The following CHEK2 variants were observed in gnomAD, a reference collection of about 807,000 sequenced individuals.
The protein encoded by CHEK2 is serine/threonine-protein kinase Chk2.
Under a neutral mutation model 69.1 loss-of-function variants are expected in CHEK2, and 71 were observed. The observed-to-expected ratio is 1.03, with a 90% confidence interval of 0.85 to 1.25. The LOEUF (loss-of-function observed/expected upper bound fraction) is 1.25. Among genes scored for constraint, CHEK2 ranks in the 50% most tolerant of loss-of-function variants. CHEK2 has a pLI of 0.00. For missense variants in CHEK2, 664 were observed against 649.6 expected (o/e 1.02, Z -0.24); for synonymous variants, 189 against 226.9 (o/e 0.83, Z 1.50).
At chr22:28,715,325 C>T (rs1453149376) in intron 5 of CHEK2, among the ~76,000 whole-genome samples, 1 of 152,136 alleles carries the variant, frequency 6.6e-6, no homozygotes, top group Non-Finnish European at 1.5e-5. Flanking sequence ...AACTCAAAGA[C>T]CATGAAGTAA....
chr22:28,725,101 G>A lies in CHEK2; in HGVS notation c.468C>T (p.Tyr156=), dbSNP rs1555926996. 9.3e-6 allele frequency: 15 copies of A among 1,613,970 alleles called. No homozygotes were observed. Among genetic ancestry groups the A allele is most frequent in the Admixed American group, 5.0e-5 (3 of 59,978 alleles). ...CACTGTGATCTTCTATGTATGCAAT[G>A]TAAGAGTTTTTAGGACCCACTTCCT... The part of the protein sequence containing the change: ...IFREVGPKNS[Y]IAYIEDHSGN... The change falls in exon 4 of 15, where the codon TAC becomes TAT. Residue 156 remains tyrosine, a synonymous_variant. Coordinates refer to ENST00000404276, the MANE Select transcript of CHEK2 (RefSeq NM_007194.4).
intron 5 of CHEK2, among the ~76,000 whole-genome samples, chr22:28,716,967 G>A (rs1471305804): frequency 3.3e-5 from 5 of 152,106 alleles, no homozygotes; most frequent in South Asian, 4.1e-4. Context: ...ACTGAATGAC[G>A]AAACAAATTA....
rs1569170658 is a variant in CHEK2 at position 28,734,540 on chromosome 22, C to T, written c.182G>A (p.Ser61Asn). 1 of 1,613,860 alleles carries T rather than the reference C, an allele frequency of 6.2e-7. No homozygotes were observed. The highest frequency in any genetic ancestry group is 8.5e-7 in the Non-Finnish European group (1 of 1,179,968). The stretch of plus-strand genomic sequence containing the variant: ...CTGAGTGGACACTGTCTCTAAGGAG[C>T]TCAGTGTCCCAGAGCTGGAGTGAGA... ...QSSHSSSGTL[S>N]SLETVSTQEL... Residue 61 changes from serine to asparagine, a missense_variant, in exon 2 of 15, where the codon AGC becomes AAC. Transcript: ENST00000404276.
At chr22:28,693,201 A>G (rs1032532796) in intron 13 of CHEK2, among the ~76,000 whole-genome samples, 1 of 152,200 alleles carries the variant, frequency 6.6e-6, no homozygotes, top group African/African-American at 2.4e-5. Context: ...GGCTAATTCT[A>G]AAACTAAAGA....
intron 4 of CHEK2, among the ~76,000 whole-genome samples, chr22:28,722,993 A>ATC (rs1285288789): frequency 1.3e-5 from 2 of 152,194 alleles, no homozygotes. Context: ...CGACTCTCAG[A>ATC]TAAGTTTGGG....
At chr22:28,712,041 G>T in intron 5 of CHEK2, 24 bp from the exon 6 acceptor site, 1 of 1,542,476 alleles carries the variant, frequency 6.5e-7, no homozygotes, top group Non-Finnish European at 9.0e-7. Flanking sequence ...CAAAGATAGT[G>T]ATTGTCTGAA....
At chr22:28,690,438 G>A (rs1280300399) in intron 13 of CHEK2, among the ~76,000 whole-genome samples, 2 of 151,898 alleles carry the variant, frequency 1.3e-5, no homozygotes, top group Non-Finnish European at 2.9e-5. Flanking sequence ...AGATCAGCCT[G>A]GCTAACATGG....
chr22:28,720,631 T>A (rs1466833161), intron 4 of CHEK2, among the ~76,000 whole-genome samples: 14 of 152,190 alleles, frequency 9.2e-5, no homozygotes, highest in Admixed American at 8.5e-4. Context: ...TAGAATAACC[T>A]AAGGATCCAG....
intron 1 of CHEK2, among the ~76,000 whole-genome samples, chr22:28,740,951 T>G (rs746729583): frequency 4.0e-5 from 6 of 151,670 alleles, no homozygotes; most frequent in Non-Finnish European, 7.4e-5. Context: ...AGGTCAGGAG[T>G]TCGGGATCAG....
chr22:28,723,011 A>G (rs1042176880), intron 4 of CHEK2, among the ~76,000 whole-genome samples: 4 of 152,184 alleles, frequency 2.6e-5, no homozygotes, highest in Non-Finnish European at 4.4e-5. Context: ...GGGAACGTCT[A>G]TGGTTTCTTT....
chr22:28,712,560 T>C (rs1458275232), intron 5 of CHEK2, among the ~76,000 whole-genome samples: 1 of 152,200 alleles, frequency 6.6e-6, no homozygotes, highest in African/African-American at 2.4e-5. Context: ...ATCAGCCTAC[T>C]TTCAGCAACC....
chr22:28,732,367 TC>T lies in CHEK2; in HGVS notation c.319+2035del, dbSNP rs1463246943. 1.4e-4 allele frequency among the ~76,000 whole-genome samples: 21 copies of T among 152,110 alleles called. No individual in the cohort carries two copies. The East Asian group carries it at 4.1e-3, about 29-fold the overall frequency. On this transcript the variant is annotated intron_variant, in intron 2 of 14. Coordinates refer to ENST00000404276, the MANE Select transcript of CHEK2 (RefSeq NM_007194.4). Reference sequence around the variant, plus strand: ...CTCAGGTGATCCGCCCATCTCGGCCTCCCAAAGTGCTGGGATTACAGGCATG... The same window carrying T: ...CTCAGGTGATCCGCCCATCTCGGCCTCCAAAGTGCTGGGATTACAGGCATG...
intron 4 of CHEK2, among the ~76,000 whole-genome samples, chr22:28,723,833 C>T (rs2053891583): frequency 6.6e-6 from 1 of 151,866 alleles, no homozygotes. Context: ...TCTGTGGTCA[C>T]AGCTACTCAG....
chr22:28,728,206 A>G (rs1172679459), intron 2 of CHEK2: 6 of 152,248 alleles, frequency 3.9e-5, no homozygotes, highest in African/African-American at 7.2e-5. Flanking sequence ...CAGACTGAAC[A>G]AGAAAAAAAG....
At chr22:28,712,141 T>C in intron 5 of CHEK2, 124 bp from the exon 6 acceptor site, 1 of 758,454 alleles carries the variant, frequency 1.3e-6, no homozygotes, top group Non-Finnish European at 2.3e-6. Context: ...CCATTGTCCC[T>C]GTTTGCAGAG....
Position 28,725,099 on chromosome 22 carries a change from A to G in CHEK2, c.470T>C (p.Ile157Thr), listed in dbSNP as rs17879961. 4,458 of 1,614,104 alleles carry G rather than the reference A, an allele frequency of 2.8e-3. 37 individuals are homozygous for G. The highest frequency in any genetic ancestry group is 2.2e-3 in the Non-Finnish European group (2,614 of 1,180,010). The stretch of plus-strand genomic sequence containing the variant: ...GCCACTGTGATCTTCTATGTATGCA[A>G]TGTAAGAGTTTTTAGGACCCACTTC... ...FREVGPKNSY[I>T]AYIEDHSGNG... The change falls in exon 4 of 15, where the codon ATT (isoleucine) becomes ACT (threonine). Residue 157 changes from isoleucine (I) to threonine (T), a missense_variant. Coordinates refer to ENST00000404276, the MANE Select transcript of CHEK2 (RefSeq NM_007194.4).
intron 14 of CHEK2, among the ~76,000 whole-genome samples, chr22:28,688,519 A>C (rs1476325961): frequency 2.0e-5 from 3 of 152,210 alleles, no homozygotes; most frequent in Non-Finnish European, 4.4e-5. Context: ...AAATTCAAAA[A>C]TTAGCTGGGC....
rs1569149890 is a variant in CHEK2 at position 28,719,440 on chromosome 22, G to C, written c.638C>G (p.Pro213Arg). 1.3e-6 allele frequency: 2 copies of C among 1,598,306 alleles called. No individual in the cohort carries two copies. Among genetic ancestry groups the C allele is most frequent in the Non-Finnish European group, 1.7e-6 (2 of 1,171,382 alleles). Reference protein sequence around the residue: ...DLTVDDQSVYPKALRDEYIMS... With the variant: ...DLTVDDQSVYRKALRDEYIMS... The stretch of plus-strand genomic sequence containing the variant: ...GATGTATTCATCTCTTAATGCCTTA[G>C]GATAAACTGACTGATCATCTACAGT... Residue 213 changes from proline (P) to arginine (R), a missense_variant, in exon 5 of 15, where the codon CCT becomes CGT. Pro to Arg is a moderately radical substitution (Grantham distance 103, BLOSUM62 -2). Transcript: ENST00000404276.
intron 1 of CHEK2, chr22:28,737,280 G>T: frequency 2.1e-6 from 1 of 476,580 alleles, no homozygotes. Context: ...AGCAGCCTCA[G>T]CATACAAATT....
Sources: allele counts gnomAD v4.1 joint callset (sites outside exome capture counted in the v4.1 genomes callset), GRCh38; gene constraint gnomAD v4.1.1; transcripts MANE v1.5; gene names NCBI Gene and HGNC (gene_info 2026-07-23, HGNC 2026-07-21).